The following ROS1 variants were observed in gnomAD, a reference collection of about 807,000 sequenced individuals.
ROS1 encodes the protein proto-oncogene tyrosine-protein kinase ROS.
ROS1 carries 263 observed loss-of-function variants against 273.5 expected under a neutral mutation model. The observed-to-expected ratio is 0.96, with a 90% CI of 0.87 to 1.06. ROS1 has a LOEUF of 1.06. ROS1 is among the 50% of genes least tolerant of loss of function. The probability of loss-of-function intolerance (pLI) is 0.00; values close to 1 mark genes in which losing one functional copy is unlikely to be tolerated. For synonymous variants in ROS1, 1,008 were observed against 954.1 expected (o/e 1.06, Z -1.04); for missense variants, 2,833 against 2,751.1 (o/e 1.03, Z -0.67).
chr6:117,330,172 G>A (rs1776976237), intron 32 of ROS1, among the ~76,000 whole-genome samples: 2 of 152,242 alleles, frequency 1.3e-5, no homozygotes, highest in Admixed American at 1.3e-4. Context: ...CCCAAGACTT[G>A]TCGCCACAAC....
chr6:117,373,155 C>G (rs1562330338), intron 18 of ROS1, among the ~76,000 whole-genome samples: 1 of 152,232 alleles, frequency 6.6e-6, no homozygotes, highest in African/African-American at 2.4e-5. Context: ...CTGATTGGTG[C>G]ATATACAATC....
At chr6:117,381,146 A>T (rs1382247193) in intron 17 of ROS1, among the ~76,000 whole-genome samples, 1 of 151,510 alleles carries the variant, frequency 6.6e-6, no homozygotes, top group Non-Finnish European at 1.5e-5. Flanking sequence ...AAGCAACAAC[A>T]GCACTTGACA....
chr6:117,309,996 A>C (rs1224202473), intron 41 of ROS1, 85 bp downstream of exon 41: 1 of 1,243,076 alleles, frequency 8.0e-7, no homozygotes, highest in African/African-American at 1.5e-5. Context: ...TCTCACATTA[A>C]AAAAGCAAGA....
intron 17 of ROS1, among the ~76,000 whole-genome samples, chr6:117,380,811 G>A (rs1055251070): frequency 6.6e-6 from 1 of 152,098 alleles, no homozygotes; most frequent in East Asian, 1.9e-4. Flanking sequence ...GTGGTAAAAT[G>A]TACCATATGC....
At chr6:117,383,847 A>C (rs1470007914) in intron 16 of ROS1, among the ~76,000 whole-genome samples, 6 of 152,328 alleles carry the variant, frequency 3.9e-5, no homozygotes, top group African/African-American at 1.4e-4. Flanking sequence ...CTCCCGAAAA[A>C]AGATGTTTAT....
chr6:117,362,701 T>A lies in ROS1; in HGVS notation c.3268A>T (p.Asn1090Tyr), dbSNP rs765131630. ...GCAATCCAGTCTTCACATGTTTTGTTTGTAATACTTTGATTGGATATATTG... is the reference window on the plus strand; with the variant it reads ...GCAATCCAGTCTTCACATGTTTTGTATGTAATACTTTGATTGGATATATTG... ...FYNISNQSIT[N>Y]KTCEDWIAVN... The change falls in exon 22 of 44, where the codon AAC becomes TAC. Residue 1090 changes from asparagine (N) to tyrosine (Y), a missense_variant. Transcript: ENST00000368507. 3 of 1,613,630 alleles carry A rather than the reference T, an allele frequency of 1.9e-6. No individual in the cohort carries two copies. The highest frequency in any genetic ancestry group is 1.7e-4 in the Middle Eastern group (1 of 6,058).
At chr6:117,360,687 T>C (rs1779728326) in intron 22 of ROS1, among the ~76,000 whole-genome samples, 1 of 152,174 alleles carries the variant, frequency 6.6e-6, no homozygotes, top group Non-Finnish European at 1.5e-5. Context: ...GGGGATTTAA[T>C]GTACAGCATG....
At chr6:117,401,954 C>A (rs1773982299) in intron 7 of ROS1, among the ~76,000 whole-genome samples, 1 of 152,110 alleles carries the variant, frequency 6.6e-6, no homozygotes, top group African/African-American at 2.4e-5. Flanking sequence ...CACACCACTA[C>A]CACCCCTGGG....
At chr6:117,323,719 C>T (rs1216015240) in intron 35 of ROS1, among the ~76,000 whole-genome samples, 1 of 152,018 alleles carries the variant, frequency 6.6e-6, no homozygotes, top group East Asian at 1.9e-4. Context: ...TAAAGTAAAT[C>T]TTCTTAGAAA....
rs375619431 is a variant in ROS1 at position 117,404,306 on chromosome 6, G to C, written c.439C>G (p.Leu147Val). Residue 147 changes from leucine (L) to valine (V), a missense_variant, in exon 6 of 44, where the codon CTT becomes GTT. Physicochemically the swap from Leu to Val is conservative, Grantham distance 32. Transcript: ENST00000368507. ...KYIIQWKYAQ[L>V]LGSWTYTKTV... ...TTAGTATAAGTCCAGCTTCCCAGAA[G>C]TTGTGCATATTTCCACTGAATGATG... is the stretch of plus-strand genomic sequence containing the variant. 55 of 1,613,856 alleles carry C rather than the reference G, an allele frequency of 3.4e-5. No individual in the cohort carries two copies. The highest frequency in any genetic ancestry group is 6.8e-6 in the Non-Finnish European group (8 of 1,179,898).
intron 41 of ROS1, 95 bp from the exon 42 acceptor site, chr6:117,309,023 G>A (rs909538638): frequency 2.5e-6 from 3 of 1,209,162 alleles, no homozygotes; most frequent in Non-Finnish European, 3.5e-6. Context: ...GGCTAGCAGG[G>A]TCTACTTTGT....
intron 39 of ROS1, among the ~76,000 whole-genome samples, chr6:117,313,385 T>G (rs1775684918): frequency 6.6e-6 from 1 of 151,968 alleles, no homozygotes. Context: ...CTGACCAACA[T>G]GGTGAAATTT....
intron 33 of ROS1, among the ~76,000 whole-genome samples, chr6:117,327,849 G>A (rs146803278): frequency 2.0e-5 from 3 of 152,282 alleles, no homozygotes; most frequent in Non-Finnish European, 4.4e-5. Flanking sequence ...GGGAAATTTG[G>A]ACACAGAGAA....
intron 39 of ROS1, among the ~76,000 whole-genome samples, chr6:117,313,256 T>C (rs1422653921): frequency 1.3e-5 from 2 of 152,134 alleles, no homozygotes; most frequent in Non-Finnish European, 2.9e-5. Flanking sequence ...TTTTCTATCT[T>C]AATACAATCC....
At chr6:117,343,774 A>G (rs1395208538) in intron 28 of ROS1, among the ~76,000 whole-genome samples, 1 of 152,186 alleles carries the variant, frequency 6.6e-6, no homozygotes, top group Non-Finnish European at 1.5e-5. Context: ...CTCTGAGGAT[A>G]ATTAGATAAT....
rs750075965 is a variant in ROS1 at position 117,288,746 on chromosome 6, T to G, written c.6772A>C (p.Met2258Leu). 1 of 1,613,868 alleles carries G rather than the reference T, an allele frequency of 6.2e-7. No individual in the cohort carries two copies. The highest frequency in any genetic ancestry group is 8.5e-7 in the Non-Finnish European group (1 of 1,179,940). ...NSDDIMPVALMETKNREGLNY... is the reference protein window; with the variant it reads ...NSDDIMPVALLETKNREGLNY... ...AACCCTTCTCGGTTCTTCGTTTCCA[T>G]TAAAGCAACTGGCATAATGTCATCT... The change falls in exon 44 of 44, where the codon ATG becomes CTG. Residue 2258 changes from methionine (M) to leucine (L), a missense_variant. Met to Leu is a conservative substitution (Grantham distance 15). Transcript: ENST00000368507.
intron 39 of ROS1, among the ~76,000 whole-genome samples, chr6:117,313,465 C>G (rs145042749): frequency 9.2e-5 from 14 of 151,472 alleles, no homozygotes; most frequent in African/African-American, 3.4e-4. Context: ...CCCAACTACT[C>G]AGGAGGCTGA....
Position 117,362,824 on chromosome 6 carries a change from T to C in ROS1, c.3145A>G (p.Ser1049Gly), listed in dbSNP as rs1282740458. 6.2e-6 allele frequency: 10 copies of C among 1,613,496 alleles called. No individual in the cohort carries two copies. Among genetic ancestry groups the C allele is most frequent in the Non-Finnish European group, 8.5e-6 (10 of 1,179,654 alleles). Residue 1049 changes from serine (S) to glycine (G), a missense_variant, in exon 22 of 44, where the codon AGT becomes GGT. Ser to Gly is a moderately conservative substitution (Grantham distance 56). Transcript: ENST00000368507. ...TCATTCTTGTTGCAGCATTTTCCAC[T>C]TGGTAATATAAATATTCTGGGGTTC... ...PENPRIFILP[S>G]GKCCNKNEVV...
Position 117,385,723 on chromosome 6 carries a change from C to T in ROS1, c.2249G>A (p.Trp750Ter), listed in dbSNP as rs372359152. The T allele has an allele frequency of 1.2e-6, 2 of 1,614,086 alleles. No homozygotes were observed. Among genetic ancestry groups the T allele is most frequent in the Non-Finnish European group, 1.7e-6 (2 of 1,180,040 alleles). ...AGCCCAGTAGAGAAAGTGACCCAGC[C>T]ACTCAAAAGCTAAAGCCCCTGCTCC... is the stretch of plus-strand genomic sequence containing the variant. ...IAGAGALAFE[W>*]LGHFLYWAGK... The change falls in exon 16 of 44, where the codon TGG (tryptophan) becomes TAG (stop). Residue 750 changes from tryptophan to a stop codon, truncating the protein, a stop_gained. Coordinates refer to ENST00000368507, the MANE Select transcript of ROS1 (RefSeq NM_001378902.1). LOFTEE classifies it high-confidence loss of function.
Sources: allele counts gnomAD v4.1 joint callset (sites outside exome capture counted in the v4.1 genomes callset), GRCh38; gene constraint gnomAD v4.1.1; transcripts MANE v1.5; gene names NCBI Gene and HGNC (gene_info 2026-07-23, HGNC 2026-07-21).